Variants in EVI5 observed in about 807,000 individuals in gnomAD.
EVI5 encodes the protein ecotropic viral integration site 5, also known as ecotropic viral integration site 5 protein homolog.
In EVI5, 73 loss-of-function variants were observed where a neutral mutation model predicts 112.0. That is an observed-to-expected ratio of 0.65 (90% CI 0.54 to 0.79). The LOEUF (loss-of-function observed/expected upper bound fraction) is 0.79. Among genes scored for constraint, EVI5 ranks in the 30% least tolerant of loss-of-function variants. The pLI, the probability that EVI5 is intolerant of heterozygous loss-of-function variation, is 0.00. For missense variants in EVI5, 900 were observed against 968.8 expected (o/e 0.93, Z 0.94); for synonymous variants, 305 against 319.9 (o/e 0.95, Z 0.50).
At chr1:92,743,753 C>T (rs934679015) in intron 1 of EVI5, among the ~76,000 whole-genome samples, 1 of 152,110 alleles carries the variant, frequency 6.6e-6, no homozygotes, top group African/African-American at 2.4e-5. Flanking sequence ...CTCTTTTGTT[C>T]TTGTTACCCT....
intron 5 of EVI5, among the ~76,000 whole-genome samples, chr1:92,700,073 T>G (rs1296050510): frequency 2.0e-5 from 3 of 152,106 alleles, no homozygotes; most frequent in Non-Finnish European, 4.4e-5. Context: ...ATTGAAACCA[T>G]GGTGACAAAA....
At chr1:92,735,699 G>T (rs1677273335) in intron 2 of EVI5, among the ~76,000 whole-genome samples, 1 of 130,214 alleles carries the variant, frequency 7.7e-6, no homozygotes, top group Non-Finnish European at 1.6e-5. Flanking sequence ...ATATATGATT[G>T]AAATATACAA....
At chr1:92,792,377 C>T (rs760175117) in exon 1 of EVI5, 1 of 1,611,074 alleles carries the variant, frequency 6.2e-7, no homozygotes, top group South Asian at 1.1e-5. Flanking sequence ...AGGCAGCAGT[C>T]ATTTTGTTGG....
intron 19 of EVI5, among the ~76,000 whole-genome samples, chr1:92,551,601 C>T (rs527380123): frequency 6.6e-6 from 1 of 152,212 alleles, no homozygotes; most frequent in East Asian, 1.9e-4. Flanking sequence ...GATAAATATG[C>T]ATAATACTAC....
intron 2 of EVI5, among the ~76,000 whole-genome samples, chr1:92,731,785 A>T (rs183597284): frequency 6.6e-6 from 1 of 152,348 alleles, no homozygotes; most frequent in Admixed American, 6.5e-5. Context: ...AAAAGTAATT[A>T]AGTAAAGAAA....
chr1:92,598,121 C>T (rs1426108440), intron 18 of EVI5, among the ~76,000 whole-genome samples: 1 of 152,060 alleles, frequency 6.6e-6, no homozygotes, highest in Non-Finnish European at 1.5e-5. Context: ...GAGACCTTGT[C>T]TCCCCCACCA....
At chr1:92,787,750 AAAAGAGAGAG>A (rs1440435461), upstream of EVI5, among the ~76,000 whole-genome samples, 36 of 152,176 alleles carry the variant, frequency 2.4e-4, no homozygotes, top group South Asian at 3.5e-3. Context: ...AAAAAAAAAA[AAAAGAGAGAG>A]AAAGAGAGAG....
intron 1 of EVI5, among the ~76,000 whole-genome samples, chr1:92,752,016 A>T (rs1050883349): frequency 2.0e-5 from 3 of 152,062 alleles, no homozygotes; most frequent in African/African-American, 7.2e-5. Flanking sequence ...ACCCTGTCTT[A>T]AAAAAATAAT....
At chr1:92,609,971 A>C (rs1343217974) in intron 16 of EVI5, among the ~76,000 whole-genome samples, 2 of 151,822 alleles carry the variant, frequency 1.3e-5, no homozygotes, top group Non-Finnish European at 2.9e-5. Context: ...TTGTAGCCTC[A>C]ATCTCCCAGG....
intron 19 of EVI5, among the ~76,000 whole-genome samples, chr1:92,554,539 C>T (rs186660568): frequency 2.0e-5 from 3 of 152,230 alleles, no homozygotes; most frequent in East Asian, 1.9e-4. Context: ...TTTTACATAG[C>T]GCTATTGTTC....
upstream of EVI5, among the ~76,000 whole-genome samples, chr1:92,786,613 T>C (rs1311389153): frequency 6.6e-6 from 1 of 152,192 alleles, no homozygotes; most frequent in Non-Finnish European, 1.5e-5. Flanking sequence ...GTGGAGGGAT[T>C]ACTGACCTAG....
intron 9 of EVI5, among the ~76,000 whole-genome samples, chr1:92,679,146 T>G (rs1039873998): frequency 2.0e-5 from 3 of 152,274 alleles, no homozygotes; most frequent in Middle Eastern, 3.4e-3. Context: ...TTGTGAATTG[T>G]GCATGCTGGG....
At chr1:92,682,972 A>G (rs1471128135) in intron 9 of EVI5, among the ~76,000 whole-genome samples, 1 of 152,190 alleles carries the variant, frequency 6.6e-6, no homozygotes, top group Non-Finnish European at 1.5e-5. Flanking sequence ...TGTAATTTAT[A>G]TGTACTTTAA....
intron 2 of EVI5, among the ~76,000 whole-genome samples, chr1:92,722,839 A>C (rs866722278): frequency 3.9e-5 from 6 of 152,238 alleles, no homozygotes; most frequent in Non-Finnish European, 7.3e-5. Flanking sequence ...GTAAAAAGTT[A>C]AAACCAAAAC....
In EVI5 at chr1:92,608,979, T is replaced by C. The variant is rs145651441; in HGVS notation, c.1828-1252A>G. Among the ~76,000 whole-genome samples, 225 of 152,324 alleles carry C rather than the reference T, an allele frequency of 1.5e-3. 3 individuals carry two copies. Among genetic ancestry groups the C allele is most frequent in the African/African-American group, 5.2e-3 (218 of 41,570 alleles). ...GTGTCTTCAGAATTAAATGAGATAA[T>C]ATGCGTAACAGGGCCTAAATATGTA... On this transcript the variant is annotated intron_variant, in intron 16 of 19. Coordinates refer to ENST00000684568, the MANE Select transcript of EVI5 (RefSeq NM_001350197.2).
In EVI5 at chr1:92,678,145, C is replaced by T. The variant is rs369443671; in HGVS notation, c.1098-927G>A. Among the ~76,000 whole-genome samples the T allele has an allele frequency of 2.6e-5, 4 of 152,306 alleles. No individual in the cohort carries two copies. The South Asian group carries it at 6.2e-4, about 24-fold the overall frequency. On this transcript the variant is annotated intron_variant, in intron 9 of 19. Transcript: ENST00000684568. The stretch of plus-strand genomic sequence containing the variant: ...TGATGGGATCATTCATATCTCAAAC[C>T]TCAGCATCATGCAATATGCCCATGA...
intron 10 of EVI5, among the ~76,000 whole-genome samples, chr1:92,674,904 T>C (rs1192626807): frequency 6.6e-6 from 1 of 152,236 alleles, no homozygotes; most frequent in Admixed American, 6.5e-5. Context: ...TTACCTGATA[T>C]GTTCCACTAA....
At chr1:92,635,262 T>C (rs1658515525) in intron 14 of EVI5, among the ~76,000 whole-genome samples, 1 of 152,244 alleles carries the variant, frequency 6.6e-6, no homozygotes. Flanking sequence ...TGATTCGCTA[T>C]GCCCTGCCCC....
chr1:92,776,604 A>T (rs946561240), intron 1 of EVI5, among the ~76,000 whole-genome samples: 1 of 151,414 alleles, frequency 6.6e-6, no homozygotes, highest in Non-Finnish European at 1.5e-5. Context: ...GGATTTAAGC[A>T]TTACTAAATG....
Sources: gnomAD v4.1 joint callset for allele counts (sites outside exome capture counted in the v4.1 genomes callset) on GRCh38, gnomAD v4.1.1 for gene constraint, MANE v1.5 for transcripts, NCBI Gene and HGNC (gene_info 2026-07-23, HGNC 2026-07-21) for gene names.